Variants in GRM3 observed in about 807,000 individuals in gnomAD.
GRM3 encodes the protein metabotropic glutamate receptor 3.
A neutral mutation model predicts 70.5 loss-of-function variants in GRM3; 26 were observed. The observed-to-expected ratio is 0.37, with a 90% CI of 0.27 to 0.51. The LOEUF is 0.51. Ranked by LOEUF, GRM3 falls within the 20% of genes least tolerant of loss-of-function variation. GRM3 has a pLI of 0.93. For synonymous variants in GRM3, 443 were observed against 434.9 expected (o/e 1.02, Z -0.23); for missense variants, 859 against 1,123.8 (o/e 0.76, Z 3.37).
Position 86,751,398 on chromosome 7 carries a change from G to A in GRM3, c.-140-13608G>A, listed in dbSNP as rs1461380703. ...CAAACTTCATTTACTGTATTTTGCA[G>A]AGATGCCGTCCTACTGCTCCTTGTA... On this transcript the variant is annotated intron_variant, in intron 1 of 5. Transcript: ENST00000361669. 2.0e-5 allele frequency among the ~76,000 whole-genome samples: 3 copies of A among 152,216 alleles called. No homozygotes were observed. In the East Asian group the frequency reaches 5.8e-4, roughly 29 times the overall value.
chr7:86,767,682 G>C (rs757860179), intron 2 of GRM3, among the ~76,000 whole-genome samples: 1 of 151,512 alleles, frequency 6.6e-6, no homozygotes, highest in African/African-American at 2.4e-5. Context: ...CCACTAGTAA[G>C]GGCTTATATA....
At chr7:86,750,594 A>T (rs1796206862) in intron 1 of GRM3, among the ~76,000 whole-genome samples, 1 of 152,048 alleles carries the variant, frequency 6.6e-6, no homozygotes, top group Non-Finnish European at 1.5e-5. Flanking sequence ...TGGTGCTGCT[A>T]AGATGAAATT....
chr7:86,726,552 T>A (rs1795597120), intron 1 of GRM3, among the ~76,000 whole-genome samples: 1 of 152,192 alleles, frequency 6.6e-6, no homozygotes, highest in South Asian at 2.1e-4. Context: ...CTTTTCTGAA[T>A]CTGGTTCACC....
At chr7:86,849,347 TA>T (rs1438565576) in intron 4 of GRM3, among the ~76,000 whole-genome samples, 8 of 152,132 alleles carry the variant, frequency 5.3e-5, no homozygotes, top group Non-Finnish European at 1.2e-4. Context: ...ACAAGAACTT[TA>T]AAATGACGAG....
At chr7:86,782,073 T>C (rs190126933) in intron 2 of GRM3, among the ~76,000 whole-genome samples, 4 of 152,308 alleles carry the variant, frequency 2.6e-5, no homozygotes, top group Admixed American at 1.3e-4. Flanking sequence ...TTCTAAGTGT[T>C]TCCATGCTCT....
At chr7:86,741,668 T>G (rs1455850147) in intron 1 of GRM3, among the ~76,000 whole-genome samples, 2 of 152,146 alleles carry the variant, frequency 1.3e-5, no homozygotes, top group Non-Finnish European at 2.9e-5. Context: ...ATCAGATGTT[T>G]CCAAAATTCT....
At chr7:86,789,742 C>T (rs1311299135) in intron 3 of GRM3, among the ~76,000 whole-genome samples, 1 of 152,164 alleles carries the variant, frequency 6.6e-6, no homozygotes, top group African/African-American at 2.4e-5. Context: ...TTAGCCAATT[C>T]CCCAATAGCT....
Position 86,644,784 on chromosome 7 carries a change from C to A in GRM3, c.-229C>A. ...CTCTTTTGTGTCGGATGAGGAGGAC[C>A]AACCATGAGCCAGAGCCCGGGTGCA... On this transcript the variant is annotated 5_prime_UTR_variant, in exon 1 of 6. Transcript: ENST00000361669. 7.8e-7 allele frequency: 1 copy of A among 1,289,158 alleles called. No homozygotes were observed. Among genetic ancestry groups the A allele is most frequent in the Non-Finnish European group, 1.0e-6 (1 of 988,268 alleles). The allele number at this position is 1,289,158 out of a possible 1,614,324, so 79.9% of individuals were successfully genotyped here. A position where few individuals can be genotyped will look rare whatever the true frequency, so the allele number is the denominator to read the frequency against.
chr7:86,727,250 G>A (rs967459965), intron 1 of GRM3, among the ~76,000 whole-genome samples: 4 of 152,054 alleles, frequency 2.6e-5, no homozygotes, highest in African/African-American at 9.7e-5. Context: ...AGAAAAGAAA[G>A]CTCTTTAGAA....
chr7:86,796,764 G>A (rs964107087), intron 3 of GRM3, among the ~76,000 whole-genome samples: 5 of 152,058 alleles, frequency 3.3e-5, no homozygotes, highest in African/African-American at 4.8e-5. Context: ...TCTCTGATAC[G>A]GTTTGGCTGT....
chr7:86,855,387 G>A (rs1441210880), intron 5 of GRM3, among the ~76,000 whole-genome samples: 1 of 152,154 alleles, frequency 6.6e-6, no homozygotes, highest in East Asian at 1.9e-4. Flanking sequence ...AGTCTTCAGA[G>A]CTATTATACC....
intron 1 of GRM3, among the ~76,000 whole-genome samples, chr7:86,645,229 T>C (rs1361855549): frequency 6.6e-6 from 1 of 152,082 alleles, no homozygotes; most frequent in African/African-American, 2.4e-5. Context: ...TGTTTCTATT[T>C]GGGGGCTCCC....
At chr7:86,688,491 TA>T (rs1241436828) in intron 1 of GRM3, among the ~76,000 whole-genome samples, 1 of 151,572 alleles carries the variant, frequency 6.6e-6, no homozygotes, top group Non-Finnish European at 1.5e-5. Flanking sequence ...TTTAACTGTA[TA>T]AAGCAAAAAG....
At position 86,823,611 on chromosome 7, in the gene GRM3, G is replaced by C. The variant is rs887937609; in HGVS notation, c.1325-15228G>C. ...TTTTTTTTTTTTTTTTTTTTGGCGG[G>C]GGGGGATTAGTGCATGCTGGGGGCT... On this transcript the variant is annotated intron_variant, in intron 3 of 5. Coordinates refer to ENST00000361669, the MANE Select transcript of GRM3 (RefSeq NM_000840.3). 7.5e-5 allele frequency among the ~76,000 whole-genome samples: 10 copies of C among 132,714 alleles called. No individual in the cohort carries two copies. The East Asian group carries it at 9.0e-4, about 12-fold the overall frequency. The allele number at this position is 132,714 out of a possible 152,430, so 87.1% of individuals were successfully genotyped here.
At chr7:86,815,924 C>G (rs566443174) in intron 3 of GRM3, among the ~76,000 whole-genome samples, 72 of 152,016 alleles carry the variant, frequency 4.7e-4, no homozygotes, top group African/African-American at 1.6e-3. Context: ...AGATTCCAGA[C>G]TGGGGCAGTG....
intron 3 of GRM3, among the ~76,000 whole-genome samples, chr7:86,791,229 C>T (rs931329382): frequency 2.2e-4 from 33 of 152,068 alleles, no homozygotes; most frequent in African/African-American, 8.0e-4. Flanking sequence ...ATAGAGCAGA[C>T]ATTATGTAAA....
chr7:86,765,467 C>G lies in GRM3; in HGVS notation c.322C>G (p.Gln108Glu). The change falls in exon 2 of 6, where the codon CAA becomes GAA. Residue 108 changes from glutamine (Q) to glutamate (E), a missense_variant. Physicochemically the swap from Gln to Glu is conservative, Grantham distance 29. Transcript: ENST00000361669. ...TCSRDTYALE[Q>E]SLEFVRASLT... ...TTCAAGGGATACCTATGCATTGGAG[C>G]AATCACTGGAGTTTGTCAGGGCATC... 1 of 1,613,888 alleles carries G rather than the reference C, an allele frequency of 6.2e-7. No homozygotes were observed. The highest frequency in any genetic ancestry group is 8.5e-7 in the Non-Finnish European group (1 of 1,179,832).
chr7:86,697,230 T>C (rs1161272344), intron 1 of GRM3, among the ~76,000 whole-genome samples: 1 of 151,494 alleles, frequency 6.6e-6, no homozygotes, highest in Non-Finnish European at 1.5e-5. Flanking sequence ...CTTTGAAAGT[T>C]GAGAACATCT....
chr7:86,808,552 A>G (rs750073887), intron 3 of GRM3, among the ~76,000 whole-genome samples: 7 of 151,954 alleles, frequency 4.6e-5, no homozygotes, highest in Non-Finnish European at 8.8e-5. Context: ...ACCATGAAGA[A>G]AAATATAGCA....
Sources: allele counts gnomAD v4.1 joint callset (sites outside exome capture counted in the v4.1 genomes callset), GRCh38; gene constraint gnomAD v4.1.1; transcripts MANE v1.5; gene names NCBI Gene and HGNC (gene_info 2026-07-23, HGNC 2026-07-21).